NRXN2: variants seen among roughly 807,000 people sequenced by gnomAD.
NRXN2 encodes neurexin-2-beta.
Under a neutral mutation model 128.8 loss-of-function variants are expected in NRXN2, and 29 were observed. The observed-to-expected ratio is 0.23, with a 90% CI of 0.17 to 0.31. NRXN2 has a LOEUF of 0.31. NRXN2 is among the 10% of genes least tolerant of loss of function. The pLI, the probability that NRXN2 is intolerant of heterozygous loss-of-function variation, is 1.00. For synonymous variants in NRXN2, 1,098 were observed against 1,075.2 expected, an observed-to-expected ratio of 1.02 and a Z score of -0.41; for missense variants, 1,881 against 2,452.6, an observed-to-expected ratio of 0.77 and a Z score of 4.92.
chr11:64,687,152 G>A (rs2053174080), intron 5 of NRXN2, among the ~76,000 whole-genome samples: 2 of 152,212 alleles, frequency 1.3e-5, no homozygotes, highest in African/African-American at 2.4e-5. Flanking sequence ...TGAAGAGGCC[G>A]AGCTAACCAA....
intron 22 of NRXN2, among the ~76,000 whole-genome samples, chr11:64,609,758 G>C (rs1426435835): frequency 1.3e-5 from 2 of 152,208 alleles, no homozygotes; most frequent in Non-Finnish European, 2.9e-5. Flanking sequence ...TGGGCCTGAC[G>C]AGGGTTGGAG....
chr11:64,626,731 G>C (rs1448728742), intron 19 of NRXN2, among the ~76,000 whole-genome samples, 179 bp from the exon 20 acceptor site: 1 of 152,174 alleles, frequency 6.6e-6, no homozygotes, highest in Non-Finnish European at 1.5e-5. Flanking sequence ...CTAGGCTCCG[G>C]TTCAGAGCCA....
chr11:64,688,438 C>T (rs148893965), intron 5 of NRXN2: 182 of 985,336 alleles, frequency 1.8e-4, no homozygotes, highest in Middle Eastern at 1.0e-3. Context: ...AGAGAGAGAA[C>T]CTGAGTAGGG....
At chr11:64,702,496 C>G (rs1293804071) in intron 2 of NRXN2, among the ~76,000 whole-genome samples, 1 of 151,724 alleles carries the variant, frequency 6.6e-6, no homozygotes, top group Non-Finnish European at 1.5e-5. Flanking sequence ...GATCGGTGAC[C>G]TTACCCCCAA....
Position 64,660,449 on chromosome 11 carries a change from G to A in NRXN2, c.2272C>T (p.Leu758=). 2 of 1,614,160 alleles carry A rather than the reference G, an allele frequency of 1.2e-6. 1 individual carries two copies. Among genetic ancestry groups the A allele is most frequent in the South Asian group, 2.2e-5 (2 of 91,078 alleles). Reference sequence around the variant, plus strand: ...TAGGCCCGCTGGGACATGAAACGCAGGGACACATCCTCTGCCTCCGTGTGC... The same window carrying A: ...TAGGCCCGCTGGGACATGAAACGCAAGGACACATCCTCTGCCTCCGTGTGC... ...AMHTEAEDVS[L]RFMSQRAYGL... is the part of the protein sequence containing the mutation. Residue 758 remains leucine (L), a synonymous_variant, in exon 11 of 23, where the codon CTG becomes TTG. Transcript: ENST00000265459. The surrounding 1 kb of genome is among the most constrained non-coding windows in gnomAD (Gnocchi z 5.2).
At chr11:64,656,580 G>T (rs532917653) in intron 11 of NRXN2, among the ~76,000 whole-genome samples, 239 of 152,242 alleles carry the variant, frequency 1.6e-3, no homozygotes, top group Non-Finnish European at 2.8e-3. Flanking sequence ...TTGCAGCTCA[G>T]AGATTCTTTA....
At chr11:64,620,085 T>A (rs2042091709) in intron 22 of NRXN2, among the ~76,000 whole-genome samples, 2 of 152,182 alleles carry the variant, frequency 1.3e-5, no homozygotes, top group Non-Finnish European at 2.9e-5. Flanking sequence ...GCTAAGGACC[T>A]CACTACCTCT....
Position 64,607,795 on chromosome 11 carries a change from A to T in NRXN2, c.4540T>A (p.Tyr1514Asn), listed in dbSNP as rs752199053. 3 of 1,600,574 alleles carry T rather than the reference A, an allele frequency of 1.9e-6. No homozygotes were observed. The highest frequency in any genetic ancestry group is 2.3e-5 in the South Asian group (2 of 88,518). The stretch of plus-strand genomic sequence containing the variant: ...TCCGTGACCAGGGGAAAGGTGGTGT[A>T]AAAGTCCTCGTCGTCCGTGGGGGGG... ...SLPPTDDEDF[Y>N]TTFPLVTDRT... The change falls in exon 23 of 23, where the codon TAC becomes AAC. Residue 1514 changes from tyrosine to asparagine, a missense_variant. Coordinates refer to ENST00000265459, the MANE Select transcript of NRXN2 (RefSeq NM_015080.4).
chr11:64,648,795 A>G lies in NRXN2; in HGVS notation c.3222T>C (p.Arg1074=). ...GGGCGTCGGCGATGAGGTCTGGGAG[A>G]CGTCCGTTGAGGTCCACTGAGGCCA... ...GCLASVDLNG[R]LPDLIADALH... is the part of the protein sequence containing the mutation. Residue 1074 remains arginine, a synonymous_variant, in exon 16 of 23, where the codon CGT becomes CGC. Transcript: ENST00000265459. This position sits in a 1 kb window ranked among gnomAD's most constrained non-coding sequence, Gnocchi z 4.1. 6.2e-7 allele frequency: 1 copy of G among 1,614,110 alleles called. No homozygotes were observed. Among genetic ancestry groups the G allele is most frequent in the South Asian group, 1.1e-5 (1 of 91,076 alleles).
rs2050033799 is a variant in NRXN2 at position 64,667,447 on chromosome 11, T to C, written c.1601A>G (p.Gln534Arg). 6.2e-7 allele frequency: 1 copy of C among 1,613,936 alleles called. No homozygotes were observed. The highest frequency in any genetic ancestry group is 1.3e-5 in the African/African-American group (1 of 74,922). Residue 534 changes from glutamine to arginine, a missense_variant, in exon 9 of 23, where the codon CAG becomes CGG. This residue lies in a region of NRXN2 where 997 missense variants were observed against 1,240.8 expected (regional missense o/e 0.80). Transcript: ENST00000265459. The surrounding 1 kb of genome is among the most constrained non-coding windows in gnomAD (Gnocchi z 5.6). ...AGCTCCACCCCCAGCCCGCCGGCCCTGGCTGAAGAGCAGCAGCCCATTGGG... is the reference window on the plus strand; with the variant it reads ...AGCTCCACCCCCAGCCCGCCGGCCCCGGCTGAAGAGCAGCAGCCCATTGGG... ...TEPNGLLLFSQGRRAGGGAGS... is the reference protein window; with the variant it reads ...TEPNGLLLFSRGRRAGGGAGS...
chr11:64,607,435 T>G lies in NRXN2; in HGVS notation c.4900A>C (p.Ser1634Arg), dbSNP rs771752257. Residue 1634 changes from serine to arginine, a missense_variant, in exon 23 of 23, where the codon AGC (serine) becomes CGC (arginine). This residue lies in a region of NRXN2 where 310 missense variants were observed against 318.2 expected (regional missense o/e 0.97). Transcript: ENST00000265459. ...GAVEVIRESSSTTGMVVGIVA... is the reference protein window; with the variant it reads ...GAVEVIRESSRTTGMVVGIVA... ...ATGCCCACCACCATGCCCGTGGTGC[T>G]GCTGGACTCCCGGATCACCTCCACT... The G allele has an allele frequency of 2.5e-6, 4 of 1,612,688 alleles. No individual in the cohort carries two copies. Among genetic ancestry groups the G allele is most frequent in the Non-Finnish European group, 3.4e-6 (4 of 1,179,844 alleles).
chr11:64,703,938 C>T (rs748211213), intron 2 of NRXN2, among the ~76,000 whole-genome samples: 69 of 152,218 alleles, frequency 4.5e-4, no homozygotes, highest in Non-Finnish European at 6.9e-4. Context: ...CAAGTTCACA[C>T]GGCTAACAAG....
intron 22 of NRXN2, among the ~76,000 whole-genome samples, chr11:64,619,779 T>C (rs950920595): frequency 2.0e-5 from 3 of 152,124 alleles, no homozygotes; most frequent in African/African-American, 7.2e-5. Flanking sequence ...CCTGGCAGTG[T>C]CCACTCTGGG....
At chr11:64,610,190 C>G (rs1023625989) in intron 22 of NRXN2, among the ~76,000 whole-genome samples, 19 of 152,166 alleles carry the variant, frequency 1.2e-4, no homozygotes, top group Non-Finnish European at 5.9e-5. Context: ...ACTCCAATCT[C>G]CCCTGGCCAG....
chr11:64,718,653 G>A (rs2057360343), intron 1 of NRXN2, among the ~76,000 whole-genome samples: 2 of 152,176 alleles, frequency 1.3e-5, no homozygotes, highest in Admixed American at 6.5e-5. Context: ...GAGAGGCTCG[G>A]TGTGGGGGAG....
chr11:64,690,014 A>G (rs1193229492), intron 5 of NRXN2, among the ~76,000 whole-genome samples: 4 of 152,234 alleles, frequency 2.6e-5, no homozygotes, highest in Non-Finnish European at 4.4e-5. Context: ...ACAGCTCCCA[A>G]TCAGAATTTC....
chr11:64,660,369 C>T lies in NRXN2; in HGVS notation c.2352G>A (p.Glu784=). 1 of 1,614,122 alleles carries T rather than the reference C, an allele frequency of 6.2e-7. No individual in the cohort carries two copies. The highest frequency in any genetic ancestry group is 8.5e-7 in the Non-Finnish European group (1 of 1,180,022). ...SRESADTLRL[E]LDGGQMKLTV... is the part of the protein sequence containing the mutation. ...TGAGCTTCATCTGCCCCCCATCCAG[C>T]TCCAGGCGTAGGGTGTCGGCAGACT... The change falls in exon 11 of 23, where the codon GAG becomes GAA. Residue 784 remains glutamate (E), a synonymous_variant. Coordinates refer to ENST00000265459, the MANE Select transcript of NRXN2 (RefSeq NM_015080.4). The surrounding 1 kb of genome is among the most constrained non-coding windows in gnomAD (Gnocchi z 5.2).
chr11:64,682,678 A>C (rs1446271503), intron 6 of NRXN2, among the ~76,000 whole-genome samples: 4 of 152,334 alleles, frequency 2.6e-5, no homozygotes, highest in African/African-American at 9.6e-5. Flanking sequence ...GCTAATGAGG[A>C]AATGGGTTTG....
At chr11:64,642,785 C>A (rs1591722567) in intron 17 of NRXN2, 1 of 1,164,834 alleles carries the variant, frequency 8.6e-7, no homozygotes, top group Non-Finnish European at 1.1e-6. Flanking sequence ...CCCCCCGGCC[C>A]GCTCCCCCCG....
Sources: allele counts gnomAD v4.1 joint callset (sites outside exome capture counted in the v4.1 genomes callset), GRCh38; gene constraint gnomAD v4.1.1; regional missense constraint gnomAD v4.1.1; non-coding constraint Gnocchi (gnomAD v3.1); transcripts MANE v1.5; gene names NCBI Gene and HGNC (gene_info 2026-07-23, HGNC 2026-07-21).